FBXO34: variants seen among roughly 807,000 people sequenced by gnomAD.
FBXO34 encodes F-box only protein 34.
FBXO34 carries 12 observed loss-of-function variants against 24.5 expected under a neutral mutation model. The ratio of observed to expected loss-of-function variants is 0.49; its 90% CI spans 0.31 to 0.79. The LOEUF is 0.79. Among genes scored for constraint, FBXO34 ranks in the 30% least tolerant of loss-of-function variants. The probability of loss-of-function intolerance (pLI) is 0.04; values close to 1 mark genes in which losing one functional copy is unlikely to be tolerated. For synonymous variants in FBXO34, 320 were observed against 311.9 expected (o/e 1.03, Z -0.27); for missense variants, 823 against 857.7 (o/e 0.96, Z 0.51).
the FBXO34 span, chr14:55,378,198 C>G: frequency 1.4e-6 from 1 of 713,456 alleles, no homozygotes; most frequent in Non-Finnish European, 2.4e-6. Flanking sequence ...TAGTAAATTG[C>G]ACTTAAAGAC....
chr14:55,296,675 C>T (rs1882144610), intron 1 of FBXO34, among the ~76,000 whole-genome samples: 1 of 152,010 alleles, frequency 6.6e-6, no homozygotes, highest in South Asian at 2.1e-4. Context: ...GGAATACAGG[C>T]ATGAGCCACT....
At chr14:55,441,905 G>A in the FBXO34 span, among the ~76,000 whole-genome samples, 1 of 151,796 alleles carries the variant, frequency 6.6e-6, no homozygotes, top group Admixed American at 6.6e-5. Context: ...TGGGATTACA[G>A]GTGCCTGCCA....
chr14:55,309,284 G>C (rs192231612), intron 1 of FBXO34, among the ~76,000 whole-genome samples: 95 of 152,250 alleles, frequency 6.2e-4, no homozygotes, highest in African/African-American at 2.2e-3. Context: ...TTTGGACACT[G>C]CTGGTTTTTT....
chr14:55,414,487 A>G, the FBXO34 span: 1 of 1,458,652 alleles, frequency 6.9e-7, no homozygotes, highest in South Asian at 1.3e-5. Flanking sequence ...TATAATTTTT[A>G]ATATAAAAAT....
the FBXO34 span, among the ~76,000 whole-genome samples, chr14:55,388,690 C>T: frequency 6.6e-6 from 1 of 152,196 alleles, no homozygotes; most frequent in Non-Finnish European, 1.5e-5. Flanking sequence ...CATAATTCAA[C>T]AACAACAAGC....
chr14:55,363,189 ATTT>A (rs577527169), downstream of FBXO34, among the ~76,000 whole-genome samples: 2 of 137,494 alleles, frequency 1.5e-5, no homozygotes, highest in African/African-American at 2.7e-5. Flanking sequence ...CGCCTGGCTA[ATTT>A]TTTTTTTTTT....
chr14:55,372,038 G>A (rs956949780), downstream of FBXO34, among the ~76,000 whole-genome samples: 10 of 151,600 alleles, frequency 6.6e-5, no homozygotes, highest in Non-Finnish European at 5.9e-5. Flanking sequence ...TCTTTTCCTT[G>A]GCAAACAGTT....
At chr14:55,334,547 C>T (rs1340922639) in intron 1 of FBXO34, among the ~76,000 whole-genome samples, 1 of 149,894 alleles carries the variant, frequency 6.7e-6, no homozygotes, top group Admixed American at 6.7e-5. Flanking sequence ...GGGGGTGGGG[C>T]AGTAGATGTG....
At chr14:55,392,072 T>C in the FBXO34 span, among the ~76,000 whole-genome samples, 15 of 152,214 alleles carry the variant, frequency 9.9e-5, no homozygotes, top group East Asian at 2.7e-3. Flanking sequence ...TGGCAGATGA[T>C]TTACAGGAAT....
At chr14:55,378,628 T>G in the FBXO34 span, among the ~76,000 whole-genome samples, 1 of 150,496 alleles carries the variant, frequency 6.6e-6, no homozygotes, top group African/African-American at 2.4e-5. Flanking sequence ...CCTCCCTCCC[T>G]CAGTTCCCCT....
At chr14:55,339,962 A>G (rs775690152) in intron 1 of FBXO34, among the ~76,000 whole-genome samples, 6 of 152,176 alleles carry the variant, frequency 3.9e-5, no homozygotes, top group Non-Finnish European at 8.8e-5. Flanking sequence ...TATGGGGCCT[A>G]TTTCTGAAGT....
In FBXO34 at chr14:55,350,525, A is replaced by G. The variant is rs775112999; in HGVS notation, c.135A>G (p.Ser45=). ...DETCKASHIT[S]SVFPSASLGK... ...CATGCAAAGCTAGCCACATAACATCAAGTGTCTTTCCTTCAGCCTCTCTCG... is the reference window on the plus strand; with the variant it reads ...CATGCAAAGCTAGCCACATAACATCGAGTGTCTTTCCTTCAGCCTCTCTCG... Residue 45 remains serine (S), a synonymous_variant, in exon 2 of 2, where the codon TCA becomes TCG. Transcript: ENST00000313833. 3.7e-6 allele frequency: 6 copies of G among 1,613,780 alleles called. No individual in the cohort carries two copies. Among genetic ancestry groups the G allele is most frequent in the Non-Finnish European group, 5.1e-6 (6 of 1,179,982 alleles).
At chr14:55,380,708 C>T in the FBXO34 span, 9 of 1,521,526 alleles carry the variant, frequency 5.9e-6, no homozygotes, top group Admixed American at 1.9e-5. Context: ...AAGAAAACAA[C>T]CACCATGTAC....
intron 1 of FBXO34, among the ~76,000 whole-genome samples, chr14:55,301,686 A>G (rs1566546680): frequency 6.6e-6 from 1 of 152,186 alleles, no homozygotes; most frequent in Non-Finnish European, 1.5e-5. Flanking sequence ...TGCTCTCTTC[A>G]GTAGAAAGTT....
chr14:55,380,509 A>G, the FBXO34 span: 1 of 1,113,260 alleles, frequency 9.0e-7, no homozygotes, highest in Non-Finnish European at 1.3e-6. Context: ...TGGAATAAAT[A>G]AAGACAAAAT....
intron 1 of FBXO34, among the ~76,000 whole-genome samples, chr14:55,313,928 G>T (rs996047704): frequency 6.6e-6 from 1 of 152,064 alleles, no homozygotes; most frequent in Non-Finnish European, 1.5e-5. Context: ...TGTGAGACAG[G>T]GTCTTGCTCT....
At chr14:55,403,761 A>G in the FBXO34 span, among the ~76,000 whole-genome samples, 1 of 152,210 alleles carries the variant, frequency 6.6e-6, no homozygotes, top group Non-Finnish European at 1.5e-5. Context: ...TAGGATATTG[A>G]GGACTGTGCA....
intron 1 of FBXO34, among the ~76,000 whole-genome samples, chr14:55,280,113 T>C (rs1881482072): frequency 6.6e-6 from 1 of 152,246 alleles, no homozygotes; most frequent in Non-Finnish European, 1.5e-5. Flanking sequence ...AGTATTTATA[T>C]ACATTTTATA....
the FBXO34 span, among the ~76,000 whole-genome samples, chr14:55,388,076 G>A: frequency 6.6e-6 from 1 of 152,086 alleles, no homozygotes; most frequent in Non-Finnish European, 1.5e-5. Flanking sequence ...GGTGAAGGTT[G>A]CAGTGAGCCG....
Sources: allele counts gnomAD v4.1 joint callset (sites outside exome capture counted in the v4.1 genomes callset), GRCh38; gene constraint gnomAD v4.1.1; transcripts MANE v1.5; gene names NCBI Gene and HGNC (gene_info 2026-07-23, HGNC 2026-07-21).